The following GLIS1 variants were observed in gnomAD, a reference collection of about 807,000 sequenced individuals.
GLIS1 encodes GLIS family zinc finger 1.
Under a neutral mutation model 63.8 loss-of-function variants are expected in GLIS1, and 24 were observed. That is an observed-to-expected ratio of 0.38 (90% CI 0.27 to 0.53). The LOEUF is 0.53. Ranked by LOEUF, GLIS1 falls within the 20% of genes least tolerant of loss-of-function variation. The pLI is 0.85. For synonymous variants in GLIS1, 450 were observed against 482.5 expected (o/e 0.93, Z 0.88); for missense variants, 1,036 against 1,074.1 (o/e 0.96, Z 0.50).
intron 4 of GLIS1, among the ~76,000 whole-genome samples, chr1:53,581,643 G>GT (rs1174034919): frequency 6.6e-6 from 1 of 152,230 alleles, no homozygotes; most frequent in Non-Finnish European, 1.5e-5. Context: ...TCGAGAGGCA[G>GT]TCAGGGAAGG....
chr1:53,608,799 T>G (rs1365472042), intron 2 of GLIS1, among the ~76,000 whole-genome samples: 1 of 152,202 alleles, frequency 6.6e-6, no homozygotes, highest in Non-Finnish European at 1.5e-5. Flanking sequence ...TTCCCATCTC[T>G]CCAGATATAG....
chr1:53,633,877 A>C (rs1645696352), intron 2 of GLIS1, among the ~76,000 whole-genome samples: 1 of 152,158 alleles, frequency 6.6e-6, no homozygotes, highest in African/African-American at 2.4e-5. Flanking sequence ...CACTGTGCCA[A>C]TGGGTGCAAT....
chr1:53,635,532 TCCA>T (rs897989011), intron 2 of GLIS1, among the ~76,000 whole-genome samples: 9 of 149,950 alleles, frequency 6.0e-5, no homozygotes, highest in African/African-American at 2.0e-4. Flanking sequence ...AAGTTAAATA[TCCA>T]CCACAAGATG....
At chr1:53,614,899 C>T (rs914902072) in intron 2 of GLIS1, among the ~76,000 whole-genome samples, 4 of 140,668 alleles carry the variant, frequency 2.8e-5, no homozygotes, top group African/African-American at 8.3e-5. Flanking sequence ...CTCACATATT[C>T]GTGCACACAC....
chr1:53,694,607 T>C (rs1252205078), intron 2 of GLIS1, among the ~76,000 whole-genome samples: 1 of 152,156 alleles, frequency 6.6e-6, no homozygotes, highest in Non-Finnish European at 1.5e-5. Context: ...CAGACACCGC[T>C]GGGGTCCCAG....
chr1:53,585,226 T>C (rs1463745641), intron 4 of GLIS1, among the ~76,000 whole-genome samples: 1 of 151,076 alleles, frequency 6.6e-6, no homozygotes, highest in Non-Finnish European at 1.5e-5. Context: ...AATGGGGAGG[T>C]GGGGGAAGGA....
intron 2 of GLIS1, among the ~76,000 whole-genome samples, chr1:53,614,069 C>A (rs1481343638): frequency 6.6e-6 from 1 of 152,146 alleles, no homozygotes; most frequent in Non-Finnish European, 1.5e-5. Flanking sequence ...CAAATGTTAA[C>A]AATTCATTCA....
At chr1:53,682,846 C>T (rs1213929642) in intron 2 of GLIS1, among the ~76,000 whole-genome samples, 1 of 152,134 alleles carries the variant, frequency 6.6e-6, no homozygotes, top group Non-Finnish European at 1.5e-5. Flanking sequence ...AACAGATGTC[C>T]CTGCCTTGAG....
At chr1:53,584,787 C>T (rs559425775) in intron 4 of GLIS1, among the ~76,000 whole-genome samples, 5 of 152,278 alleles carry the variant, frequency 3.3e-5, no homozygotes, top group South Asian at 2.1e-4. Context: ...ATTTAACAGA[C>T]GAGAACAGGA....
At chr1:53,700,515 C>T (rs1414253164) in intron 2 of GLIS1, among the ~76,000 whole-genome samples, 1 of 151,818 alleles carries the variant, frequency 6.6e-6, no homozygotes, top group African/African-American at 2.4e-5. Context: ...AAATGCATGG[C>T]CTCTGCTCGT....
chr1:53,659,042 G>A (rs965786234), intron 2 of GLIS1, among the ~76,000 whole-genome samples: 8 of 152,182 alleles, frequency 5.3e-5, no homozygotes, highest in South Asian at 2.1e-4. Context: ...GGGCGATGCC[G>A]TAAGTACTTG....
intron 2 of GLIS1, among the ~76,000 whole-genome samples, chr1:53,711,269 T>C (rs1646643980): frequency 6.6e-6 from 1 of 152,178 alleles, no homozygotes; most frequent in African/African-American, 2.4e-5. Context: ...ACCTGTGTGA[T>C]CTTCCCAGAG....
intron 2 of GLIS1, among the ~76,000 whole-genome samples, chr1:53,619,693 G>T (rs533923124): frequency 6.6e-6 from 1 of 152,166 alleles, no homozygotes; most frequent in African/African-American, 2.4e-5. Context: ...TACTCAACCC[G>T]CCAGGCGGCC....
chr1:53,687,597 C>T (rs891896993), intron 2 of GLIS1, among the ~76,000 whole-genome samples: 1 of 152,168 alleles, frequency 6.6e-6, no homozygotes, highest in Non-Finnish European at 1.5e-5. Context: ...CTTCCCCAAA[C>T]CACAAGGTCT....
At chr1:53,626,683 A>C (rs757300329) in intron 2 of GLIS1, among the ~76,000 whole-genome samples, 1 of 152,248 alleles carries the variant, frequency 6.6e-6, no homozygotes, top group Non-Finnish European at 1.5e-5. Context: ...TTCACCAAGT[A>C]TCTGCTACAT....
intron 2 of GLIS1, among the ~76,000 whole-genome samples, chr1:53,726,058 G>T (rs539072349): frequency 6.6e-6 from 1 of 152,198 alleles, no homozygotes; most frequent in African/African-American, 2.4e-5. Flanking sequence ...AAAAATGAAC[G>T]CAAGCATCTG....
intron 4 of GLIS1, among the ~76,000 whole-genome samples, chr1:53,552,232 C>T (rs1328098649): frequency 6.6e-6 from 1 of 152,152 alleles, no homozygotes; most frequent in East Asian, 1.9e-4. Context: ...CCTCACCACA[C>T]ACCCCAACCC....
intron 2 of GLIS1, among the ~76,000 whole-genome samples, chr1:53,710,547 C>T (rs1027164860): frequency 7.9e-5 from 12 of 152,250 alleles, no homozygotes; most frequent in African/African-American, 2.9e-4. Flanking sequence ...ACAAATTCCT[C>T]CAAGGTTCTG....
intron 2 of GLIS1, among the ~76,000 whole-genome samples, chr1:53,719,346 T>C (rs1646730384): frequency 6.6e-6 from 1 of 152,206 alleles, no homozygotes; most frequent in East Asian, 1.9e-4. Flanking sequence ...GTTCCCTCCC[T>C]GCCCACCTGG....
Sources: allele counts gnomAD v4.1 joint callset (sites outside exome capture counted in the v4.1 genomes callset), GRCh38; gene constraint gnomAD v4.1.1; transcripts MANE v1.5; gene names NCBI Gene and HGNC (gene_info 2026-07-23, HGNC 2026-07-21).